LRRC74B: variants seen among roughly 807,000 people sequenced by gnomAD.
LRRC74B encodes leucine-rich repeat-containing protein 74B.
In LRRC74B, 30 loss-of-function variants were observed where a neutral mutation model predicts 16.6. That is an observed-to-expected ratio of 1.80 (90% confidence interval 1.35 to 2.45). The LOEUF (loss-of-function observed/expected upper bound fraction) is 2.45, where lower values mean the gene tolerates loss of function less well. Ranked by LOEUF, LRRC74B falls within the 30% of genes most tolerant of loss-of-function variation. The pLI is 0.00. For missense variants in LRRC74B, 326 were observed against 202.4 expected, an observed-to-expected ratio of 1.61 and a Z score of -3.71; for synonymous variants, 134 against 86.0, an observed-to-expected ratio of 1.56 and a Z score of -3.09.
In LRRC74B at chr22:21,053,426, G is replaced by C; in HGVS notation, c.799G>C (p.Val267Leu). The stretch of plus-strand genomic sequence containing the variant: ...CTTTGGGGATCCTGGAGCCTCTGCG[G>C]TGGGTGAGGCTCTGAAGGCCAACAA... Residue 267 changes from valine to leucine, a missense_variant, in exon 6 of 9, where the codon GTG becomes CTG. Val to Leu is a conservative substitution (Grantham distance 32). Coordinates refer to ENST00000442047, the Ensembl canonical transcript of LRRC74B. 2 of 717,442 alleles carry C rather than the reference G, an allele frequency of 2.8e-6. 1 individual carries two copies. The highest frequency in any genetic ancestry group is 5.2e-6 in the Non-Finnish European group (2 of 385,046). The allele number at this position is 717,442 out of a possible 1,614,324, so 44.4% of individuals were successfully genotyped here. A position where few individuals can be genotyped will look rare whatever the true frequency, so the allele number is the denominator to read the frequency against.
chr22:21,056,581 C>CA (rs1930533825), intron 7 of LRRC74B: 1 of 151,540 alleles, frequency 6.6e-6, no homozygotes, highest in Non-Finnish European at 1.4e-5. Flanking sequence ...TCAGTGCTCT[C>CA]ACCCCAAGCT....
At chr22:21,051,121 C>G (rs76517355) in intron 4 of LRRC74B, among the ~76,000 whole-genome samples, 5 of 152,110 alleles carry the variant, frequency 3.3e-5, no homozygotes, top group African/African-American at 9.6e-5. Flanking sequence ...CACTGCACTC[C>G]GGGTTGGGCA....
At chr22:21,063,418 G>T (rs1313456327), downstream of LRRC74B, 1 of 151,982 alleles carries the variant, frequency 6.6e-6, no homozygotes, top group Non-Finnish European at 1.5e-5. Flanking sequence ...GGGACTTCAG[G>T]CAGGGCATGA....
At chr22:21,049,419 C>T in intron 4 of LRRC74B, 1 of 490,696 alleles carries the variant, frequency 2.0e-6, no homozygotes, top group Non-Finnish European at 3.6e-6. Context: ...AAACCAAGTT[C>T]CTGACCTCAA....
chr22:21,063,655 C>G (rs1930914322), downstream of LRRC74B: 2 of 152,034 alleles, frequency 1.3e-5, no homozygotes. Context: ...CCTGGGTACA[C>G]AGCGAGACCC....
intron 8 of LRRC74B, among the ~76,000 whole-genome samples, chr22:21,058,358 T>C (rs1454222239): frequency 2.6e-5 from 4 of 151,922 alleles, no homozygotes; most frequent in Admixed American, 2.0e-4. Context: ...AAAAAGCTTT[T>C]TAAAAAATTA....
chr22:21,052,271 G>A (rs1236104469), exon 5 of LRRC74B: 1 of 717,566 alleles, frequency 1.4e-6, no homozygotes, highest in South Asian at 1.5e-5. Context: ...GACCAGCCCT[G>A]GCAGAAAACA....
exon 6 of LRRC74B, chr22:21,053,403 T>C (rs1219694344): frequency 2.8e-6 from 2 of 717,416 alleles, no homozygotes; most frequent in East Asian, 5.4e-5. Flanking sequence ...TACAATGGCT[T>C]TGGGGATCCT....
At chr22:21,063,978 A>G (rs1017596474), downstream of LRRC74B, 2 of 161,376 alleles carry the variant, frequency 1.2e-5, no homozygotes, top group Non-Finnish European at 2.6e-5. Flanking sequence ...CTGTCTCAAA[A>G]CAAAACAAAA....
At chr22:21,054,982 C>A (rs1204618324) in intron 6 of LRRC74B, 116 bp from the exon 7 acceptor site, 1 of 658,226 alleles carries the variant, frequency 1.5e-6, no homozygotes, top group South Asian at 1.7e-5. Flanking sequence ...GTGGAGGGAA[C>A]AAGAGACCCA....
intron 8 of LRRC74B, 91 bp from the exon 9 acceptor site, chr22:21,060,282 G>C: frequency 1.6e-6 from 1 of 623,206 alleles, no homozygotes. Context: ...CTGCCCGAAG[G>C]AGCTTCTCTG....
At chr22:21,058,800 C>T (rs531231070) in intron 8 of LRRC74B, among the ~76,000 whole-genome samples, 71 of 152,324 alleles carry the variant, frequency 4.7e-4, no homozygotes, top group African/African-American at 1.7e-3. Flanking sequence ...CCTGAATATA[C>T]ACTTACTTGT....
chr22:21,047,008 G>A (rs900960643), intron 1 of LRRC74B, among the ~76,000 whole-genome samples: 2 of 151,642 alleles, frequency 1.3e-5, no homozygotes, highest in African/African-American at 4.8e-5. Flanking sequence ...CAGGAGAATT[G>A]CTTGAACCTG....
chr22:21,061,993 T>C (rs2148168670), downstream of LRRC74B: 1 of 152,290 alleles, frequency 6.6e-6, no homozygotes. Flanking sequence ...ATGAACCGTA[T>C]GGTATGTGAA....
intron 5 of LRRC74B, among the ~76,000 whole-genome samples, chr22:21,052,650 T>C (rs1487997093): frequency 6.7e-6 from 1 of 150,294 alleles, no homozygotes; most frequent in Non-Finnish European, 1.5e-5. Context: ...TGGTGACACA[T>C]GCTCACTGTT....
At chr22:21,055,848 C>T (rs575303951) in intron 7 of LRRC74B, among the ~76,000 whole-genome samples, 9 of 152,182 alleles carry the variant, frequency 5.9e-5, no homozygotes, top group Middle Eastern at 6.3e-3. Flanking sequence ...CGAGTCACCT[C>T]GTAGACAGTC....
At chr22:21,062,134 A>G (rs1930837985), downstream of LRRC74B, 1 of 152,224 alleles carries the variant, frequency 6.6e-6, no homozygotes, top group African/African-American at 2.4e-5. Flanking sequence ...GACCGCATTT[A>G]TGTGAAACAT....
chr22:21,051,379 G>C (rs1761633239), intron 4 of LRRC74B, among the ~76,000 whole-genome samples: 1 of 152,098 alleles, frequency 6.6e-6, no homozygotes, highest in Non-Finnish European at 1.5e-5. Flanking sequence ...ATTTTGCCCA[G>C]GCTGGTCTTG....
exon 1 of LRRC74B, chr22:21,046,002 G>A (rs1263504873): frequency 1.4e-6 from 1 of 717,378 alleles, no homozygotes; most frequent in Non-Finnish European, 2.6e-6. Flanking sequence ...GGGTTCCTGT[G>A]AGAGGTCTGG....
Sources: allele counts gnomAD v4.1 joint callset (sites outside exome capture counted in the v4.1 genomes callset), GRCh38; gene constraint gnomAD v4.1.1; transcripts MANE v1.5; gene names NCBI Gene and HGNC (gene_info 2026-07-23, HGNC 2026-07-21).